Variants in TANC2 observed in about 807,000 individuals in gnomAD.
The protein encoded by TANC2 is protein TANC2.
Under a neutral mutation model 210.5 loss-of-function variants are expected in TANC2, and 26 were observed. That is an observed-to-expected ratio of 0.12 (90% CI 0.09 to 0.17). TANC2 has a LOEUF of 0.17. Among genes scored for constraint, TANC2 ranks in the 10% least tolerant of loss-of-function variants. The pLI, the probability that TANC2 is intolerant of heterozygous loss-of-function variation, is 1.00. For synonymous variants in TANC2, 931 were observed against 967.1 expected (o/e 0.96, Z 0.69); for missense variants, 2,129 against 2,608.9 (o/e 0.82, Z 4.01).
chr17:63,047,277 G>A (rs1227827757), intron 2 of TANC2, among the ~76,000 whole-genome samples: 2 of 152,164 alleles, frequency 1.3e-5, no homozygotes, highest in African/African-American at 2.4e-5. Flanking sequence ...GAACCTTATA[G>A]ATCGTGTTCA....
At chr17:63,358,374 A>AGTGTGTGTGTGTGT (rs1292661752) in intron 14 of TANC2, among the ~76,000 whole-genome samples, 1 of 94,700 alleles carries the variant, frequency 1.1e-5, no homozygotes, top group African/African-American at 4.0e-5. Flanking sequence ...AGAGAGAGAG[A>AGTGTGTGTGTGTGT]GAGTATGTGT....
At position 63,229,307 on chromosome 17, in the gene TANC2, T is replaced by G. The variant is rs1289871476; in HGVS notation, c.770-8507T>G. Among the ~76,000 whole-genome samples the G allele has an allele frequency of 2.6e-5, 4 of 152,348 alleles. No individual in the cohort carries two copies. The East Asian group carries it at 7.7e-4, about 29-fold the overall frequency. On this transcript the variant is annotated intron_variant, in intron 7 of 27. Transcript: ENST00000689528. ...TTGATCGTAGCTAAGTTTTTTGATG[T>G]GCTGCTGGATTGGTTTGCCAGTATT...
intron 2 of TANC2, among the ~76,000 whole-genome samples, chr17:63,063,281 G>A (rs956394676): frequency 6.6e-6 from 1 of 152,114 alleles, no homozygotes; most frequent in African/African-American, 2.4e-5. Context: ...TGTAGTTCAG[G>A]AATTTTTATG....
chr17:63,390,339 G>A (rs1167835656), intron 17 of TANC2: 1 of 152,098 alleles, frequency 6.6e-6, no homozygotes, highest in Admixed American at 6.5e-5. Flanking sequence ...GGAGAAAGTG[G>A]GACTCCTCCA....
chr17:63,263,463 T>C (rs1310575737), intron 8 of TANC2, among the ~76,000 whole-genome samples: 1 of 152,224 alleles, frequency 6.6e-6, no homozygotes, highest in Non-Finnish European at 1.5e-5. Context: ...CACTTAATTA[T>C]AAAAATGTCT....
At chr17:63,399,440 G>A (rs1391760096) in intron 19 of TANC2, among the ~76,000 whole-genome samples, 2 of 152,222 alleles carry the variant, frequency 1.3e-5, no homozygotes, top group East Asian at 1.9e-4. Flanking sequence ...TGAATGCCCA[G>A]CCTCATGCAG....
Position 63,051,287 on chromosome 17 carries a change from C to G in TANC2, c.68-22656C>G, listed in dbSNP as rs8067573. On this transcript the variant is annotated intron_variant, in intron 2 of 27. Transcript: ENST00000689528. ...GTTACATTGAACTCTTTAGATTTCT[C>G]TAAGTGACCTTTTCTTTCATTTGTG... Among the ~76,000 whole-genome samples the G allele has an allele frequency of 1.7e-3, 256 of 152,262 alleles. 1 individual carries two copies. Among genetic ancestry groups the G allele is most frequent in the African/African-American group, 6.0e-3 (249 of 41,560 alleles).
intron 4 of TANC2, chr17:63,148,886 T>G (rs1299409736): frequency 6.6e-6 from 1 of 152,180 alleles, no homozygotes; most frequent in East Asian, 1.9e-4. Context: ...ATTGTTCAAC[T>G]TATCATATCT....
chr17:63,342,997 G>A (rs1344243679), intron 12 of TANC2, among the ~76,000 whole-genome samples: 1 of 152,070 alleles, frequency 6.6e-6, no homozygotes. Context: ...GCAATAGCTG[G>A]AAACACAATT....
chr17:63,046,586 C>T (rs564552383), intron 2 of TANC2, among the ~76,000 whole-genome samples: 42 of 151,972 alleles, frequency 2.8e-4, no homozygotes, highest in Admixed American at 2.4e-3. Context: ...CCTGCCTTGG[C>T]CTCCCAAAGT....
At chr17:63,171,151 T>C (rs1486264778) in intron 5 of TANC2, among the ~76,000 whole-genome samples, 2 of 148,214 alleles carry the variant, frequency 1.3e-5, no homozygotes, top group African/African-American at 5.0e-5. Context: ...AGTGGTGCGA[T>C]CTCAGCTCAC....
chr17:63,318,907 TAAAG>T, intron 10 of TANC2, 46 bp from the exon 11 acceptor site: 1 of 1,606,704 alleles, frequency 6.2e-7, no homozygotes, highest in Admixed American at 1.7e-5. Context: ...CATTTTTCCT[TAAAG>T]TTTTTATGAT....
intron 8 of TANC2, among the ~76,000 whole-genome samples, chr17:63,264,634 T>G (rs1239341183): frequency 6.6e-6 from 1 of 152,192 alleles, no homozygotes; most frequent in South Asian, 2.1e-4. Context: ...AAAAGATTTC[T>G]CAACTTTTTG....
chr17:63,368,336 A>G (rs1288654558), intron 14 of TANC2, among the ~76,000 whole-genome samples: 6 of 152,220 alleles, frequency 3.9e-5, no homozygotes, highest in African/African-American at 1.4e-4. Context: ...CTGAGGAAAG[A>G]TGCACAGAAT....
At chr17:63,380,597 G>GT (rs1409422680) in intron 15 of TANC2, among the ~76,000 whole-genome samples, 1 of 152,236 alleles carries the variant, frequency 6.6e-6, no homozygotes, top group Non-Finnish European at 1.5e-5. Flanking sequence ...CTGTCCCACA[G>GT]TCTGAGAGTT....
chr17:63,223,568 A>G (rs544379224), intron 7 of TANC2, among the ~76,000 whole-genome samples: 1 of 131,956 alleles, frequency 7.6e-6, no homozygotes, highest in Non-Finnish European at 1.6e-5. Flanking sequence ...ACCCACTCTT[A>G]ATTATTTTAT....
At position 63,063,531 on chromosome 17, in the gene TANC2, C is replaced by CGTGTGT. The variant is rs59132639; in HGVS notation, c.68-10373_68-10368dup. 1.0e-3 allele frequency among the ~76,000 whole-genome samples: 111 copies of CGTGTGT among 108,214 alleles called. 1 individual carries two copies. The highest frequency in any genetic ancestry group is 6.2e-3 in the South Asian group (19 of 3,052). The allele number at this position is 108,214 out of a possible 152,430, so 71.0% of individuals were successfully genotyped here. A position where few individuals can be genotyped will look rare whatever the true frequency, so the allele number is the denominator to read the frequency against. On this transcript the variant is annotated intron_variant, in intron 2 of 27. Coordinates refer to ENST00000689528, the Ensembl canonical transcript of TANC2. ...CCTGTGTCAGAAACTGGGACAAAGACGTGTGTGTGTGTGTGTGTGTGTGTG... is the reference window on the plus strand; with the variant it reads ...CCTGTGTCAGAAACTGGGACAAAGACGTGTGTGTGTGTGTGTGTGTGTGTGTGTGTG...
intron 6 of TANC2, 145 bp from the exon 7 acceptor site, chr17:63,200,626 C>A: frequency 4.6e-6 from 3 of 653,260 alleles, no homozygotes; most frequent in Admixed American, 2.9e-5. Context: ...AAGTCCTTAT[C>A]CGAGAAAGCA....
intron 8 of TANC2, among the ~76,000 whole-genome samples, chr17:63,238,494 T>C (rs1031101019): frequency 6.6e-6 from 1 of 152,202 alleles, no homozygotes; most frequent in African/African-American, 2.4e-5. Context: ...TCAGAAATCA[T>C]CATCCATAGT....
Sources: allele counts gnomAD v4.1 joint callset (sites outside exome capture counted in the v4.1 genomes callset), GRCh38; gene constraint gnomAD v4.1.1; transcripts MANE v1.5; gene names NCBI Gene and HGNC (gene_info 2026-07-23, HGNC 2026-07-21).